LRBA: variants seen among roughly 807,000 people sequenced by gnomAD.
LRBA encodes the protein lipopolysaccharide-responsive and beige-like anchor protein.
Under a neutral mutation model 330.0 loss-of-function variants are expected in LRBA, and 176 were observed. That is an observed-to-expected ratio of 0.53 (90% CI 0.47 to 0.60). LRBA has a LOEUF of 0.60. Among genes scored for constraint, LRBA ranks in the 20% least tolerant of loss-of-function variants. The probability of loss-of-function intolerance (pLI) is 0.00; values close to 1 mark genes in which losing one functional copy is unlikely to be tolerated. For missense variants in LRBA, 3,259 were observed against 3,444.8 expected, an observed-to-expected ratio of 0.95 and a Z score of 1.35; for synonymous variants, 1,230 against 1,193.0, an observed-to-expected ratio of 1.03 and a Z score of -0.64.
At chr4:150,881,197 A>G (rs1728342261) in intron 17 of LRBA, among the ~76,000 whole-genome samples, 1 of 152,208 alleles carries the variant, frequency 6.6e-6, no homozygotes, top group Non-Finnish European at 1.5e-5. Context: ...AAATCATTCT[A>G]CCAACAACAC....
At chr4:150,588,609 G>C (rs1425151251) in intron 39 of LRBA, among the ~76,000 whole-genome samples, 1 of 152,202 alleles carries the variant, frequency 6.6e-6, no homozygotes. Context: ...CAGTATGGTA[G>C]AGGCATGGCT....
chr4:150,383,991 C>T (rs1414441012), intron 47 of LRBA, among the ~76,000 whole-genome samples: 1 of 151,742 alleles, frequency 6.6e-6, no homozygotes, highest in Non-Finnish European at 1.5e-5. Flanking sequence ...TTTATTGGCT[C>T]CTTAATACAA....
rs1578913470 is a variant in LRBA, at chr4:150,828,600, C to T, written c.4751G>A (p.Ser1584Asn). The T allele has an allele frequency of 6.2e-7, 1 of 1,613,670 alleles. No homozygotes were observed. The highest frequency in any genetic ancestry group is 8.5e-7 in the Non-Finnish European group (1 of 1,179,842). The change falls in exon 30 of 57, where the codon AGC becomes AAC. Residue 1584 changes from serine to asparagine, a missense_variant. By Grantham distance (46) the Ser-to-Asn change is conservative (BLOSUM62 1). Coordinates refer to ENST00000651943, the MANE Select transcript of LRBA (RefSeq NM_001364905.1). ...TTCCACTGATGCCGTAGTTAAAGTG[C>T]TGAATGCTGCTGGTGTGATTTCTAT... Reference protein sequence around the residue: ...SLSEITPAAFSTLTTASVEES... With the variant: ...SLSEITPAAFNTLTTASVEES...
intron 40 of LRBA, among the ~76,000 whole-genome samples, chr4:150,537,045 A>G (rs1053481489): frequency 3.3e-5 from 5 of 152,262 alleles, no homozygotes; most frequent in Non-Finnish European, 5.9e-5. Context: ...CAAAAAGAAC[A>G]AAGCTGGAGG....
chr4:151,011,418 T>G (rs1744825585), intron 2 of LRBA, among the ~76,000 whole-genome samples: 1 of 151,656 alleles, frequency 6.6e-6, no homozygotes, highest in African/African-American at 2.4e-5. Context: ...GCCAACATGG[T>G]GAAACCCCGC....
At chr4:150,623,725 A>G (rs1360247325) in intron 37 of LRBA, among the ~76,000 whole-genome samples, 1 of 152,098 alleles carries the variant, frequency 6.6e-6, no homozygotes, top group African/African-American at 2.4e-5. Context: ...CTTATACTTG[A>G]AAAAGAAAAA....
chr4:150,775,501 A>G (rs1737178588), intron 34 of LRBA, among the ~76,000 whole-genome samples: 1 of 122,642 alleles, frequency 8.2e-6, no homozygotes, highest in African/African-American at 3.0e-5. Context: ...ACACACACAC[A>G]CAGTGATTGC....
At chr4:150,731,870 A>G (rs1247733351) in intron 36 of LRBA, among the ~76,000 whole-genome samples, 1 of 152,210 alleles carries the variant, frequency 6.6e-6, no homozygotes, top group Non-Finnish European at 1.5e-5. Context: ...AACCCAAAGG[A>G]TAAATACTTG....
At chr4:150,906,271 A>G in intron 12 of LRBA, 26 bp downstream of exon 12, 5 of 1,416,148 alleles carry the variant, frequency 3.5e-6, no homozygotes, top group Non-Finnish European at 5.0e-6. Context: ...TTAAGAATCA[A>G]AAACATAAAA....
At chr4:150,282,217 T>C (rs1747623066) in intron 55 of LRBA, among the ~76,000 whole-genome samples, 4 of 152,188 alleles carry the variant, frequency 2.6e-5, no homozygotes, top group Admixed American at 2.6e-4. Flanking sequence ...ACCTCTTCTA[T>C]TGAAGGACCG....
At chr4:150,657,048 T>A (rs1435842390) in intron 37 of LRBA, among the ~76,000 whole-genome samples, 2 of 152,224 alleles carry the variant, frequency 1.3e-5, no homozygotes, top group Admixed American at 6.5e-5. Context: ...GAGGAATCTC[T>A]ACTCACATTT....
intron 2 of LRBA, among the ~76,000 whole-genome samples, chr4:150,941,898 T>C (rs2149528053): frequency 6.6e-6 from 1 of 152,050 alleles, no homozygotes; most frequent in East Asian, 1.9e-4. Context: ...AAAAAAATTC[T>C]TAGTAATATT....
intron 56 of LRBA, among the ~76,000 whole-genome samples, chr4:150,269,849 C>T (rs532339113): frequency 5.9e-5 from 9 of 152,116 alleles, no homozygotes; most frequent in South Asian, 4.2e-4. Context: ...GTAGCTGAGG[C>T]GGGAGAATCA....
At chr4:150,651,352 C>T (rs777506325) in intron 37 of LRBA, among the ~76,000 whole-genome samples, 27 of 152,132 alleles carry the variant, frequency 1.8e-4, no homozygotes, top group Non-Finnish European at 3.7e-4. Context: ...CTGTTAACCA[C>T]TGAATGGAAC....
At chr4:150,686,344 T>C (rs1783626966) in intron 36 of LRBA, among the ~76,000 whole-genome samples, 2 of 152,220 alleles carry the variant, frequency 1.3e-5, no homozygotes, top group South Asian at 4.1e-4. Context: ...GCAAATTTCA[T>C]ACGCTATATT....
intron 36 of LRBA, among the ~76,000 whole-genome samples, chr4:150,733,834 C>G (rs978236083): frequency 3.9e-5 from 6 of 152,046 alleles, no homozygotes; most frequent in African/African-American, 1.2e-4. Context: ...TATCTCATAC[C>G]TAATAACCTC....
At chr4:150,944,089 A>G (rs867901707) in intron 2 of LRBA, among the ~76,000 whole-genome samples, 1 of 152,206 alleles carries the variant, frequency 6.6e-6, no homozygotes, top group Non-Finnish European at 1.5e-5. Flanking sequence ...GCTCCAGCCA[A>G]CATTTTGAAT....
At chr4:150,558,224 C>T (rs766201780) in intron 40 of LRBA, among the ~76,000 whole-genome samples, 31 of 152,126 alleles carry the variant, frequency 2.0e-4, no homozygotes, top group Admixed American at 5.2e-4. Context: ...TGGAAGCAAG[C>T]CACTAAGCAG....
intron 37 of LRBA, among the ~76,000 whole-genome samples, chr4:150,622,549 G>T (rs1200063762): frequency 6.6e-6 from 1 of 152,040 alleles, no homozygotes; most frequent in Non-Finnish European, 1.5e-5. Flanking sequence ...AAAAAGAAAA[G>T]AAATCTAGTA....
Sources: gnomAD v4.1 joint callset for allele counts (sites outside exome capture counted in the v4.1 genomes callset) on GRCh38, gnomAD v4.1.1 for gene constraint, MANE v1.5 for transcripts, NCBI Gene and HGNC (gene_info 2026-07-23, HGNC 2026-07-21) for gene names.